CNTNAP2: variants seen among roughly 807,000 people sequenced by gnomAD.
The protein encoded by CNTNAP2 is contactin associated protein 2.
CNTNAP2 carries 98 observed loss-of-function variants against 155.2 expected under a neutral mutation model. The observed-to-expected ratio is 0.63, with a 90% CI of 0.54 to 0.75. The LOEUF (loss-of-function observed/expected upper bound fraction) is 0.75. CNTNAP2 is among the 30% of genes least tolerant of loss of function. The pLI, the probability that CNTNAP2 is intolerant of heterozygous loss-of-function variation, is 0.00. For missense variants in CNTNAP2, 1,727 were observed against 1,688.1 expected, an observed-to-expected ratio of 1.02 and a Z score of -0.40; for synonymous variants, 651 against 631.2, an observed-to-expected ratio of 1.03 and a Z score of -0.47.
chr7:148,272,436 T>G (rs568510873), intron 21 of CNTNAP2, among the ~76,000 whole-genome samples: 1 of 152,330 alleles, frequency 6.6e-6, no homozygotes, highest in Admixed American at 6.5e-5. Flanking sequence ...TGTTTGCTCA[T>G]GTCCTTTTCA....
intron 1 of CNTNAP2, among the ~76,000 whole-genome samples, chr7:146,508,683 A>T (rs975464184): frequency 1.7e-4 from 26 of 152,106 alleles, no homozygotes; most frequent in Admixed American, 6.5e-4. Flanking sequence ...ACCTTCACCC[A>T]TCTGCAAGTA....
intron 22 of CNTNAP2, among the ~76,000 whole-genome samples, chr7:148,393,383 T>C (rs1164905562): frequency 6.6e-6 from 1 of 152,236 alleles, no homozygotes; most frequent in African/African-American, 2.4e-5. Context: ...AGAAAAACTA[T>C]CATCCCTTGC....
intron 1 of CNTNAP2, among the ~76,000 whole-genome samples, chr7:146,530,410 C>T (rs760483132): frequency 4.0e-5 from 6 of 151,268 alleles, no homozygotes; most frequent in Non-Finnish European, 8.8e-5. Flanking sequence ...ATCTTTTATT[C>T]AGGGGAAAAA....
intron 11 of CNTNAP2, among the ~76,000 whole-genome samples, chr7:147,532,889 CAT>C (rs1199992364): frequency 6.6e-6 from 1 of 152,168 alleles, no homozygotes; most frequent in African/African-American, 2.4e-5. Flanking sequence ...CCTCCCACAA[CAT>C]GTGGGAATTC....
In CNTNAP2 at chr7:147,024,480, C is replaced by T. The variant is rs188916657; in HGVS notation, c.403-19427C>T. Reference sequence around the variant, plus strand: ...AACGGGGGAAGGTTACATAGGAACTCAACTGTATTAGTCCATTCTTACATT... The same window carrying T: ...AACGGGGGAAGGTTACATAGGAACTTAACTGTATTAGTCCATTCTTACATT... On this transcript the variant is annotated intron_variant, in intron 3 of 23. Coordinates refer to ENST00000361727, the MANE Select transcript of CNTNAP2 (RefSeq NM_014141.6). 3.3e-5 allele frequency among the ~76,000 whole-genome samples: 5 copies of T among 152,196 alleles called. No homozygotes were observed. In the East Asian group the frequency reaches 7.7e-4, roughly 24 times the overall value.
chr7:146,486,650 C>T (rs1427651718), intron 1 of CNTNAP2, among the ~76,000 whole-genome samples: 2 of 152,034 alleles, frequency 1.3e-5, no homozygotes, highest in Admixed American at 1.3e-4. Flanking sequence ...TCAGAGTGCC[C>T]ATGGAAGTCT....
In CNTNAP2 at chr7:146,937,364, A is replaced by AAAAATAAAAT. The variant is rs71165051; in HGVS notation, c.402+97474_402+97483dup. Among the ~76,000 whole-genome samples the AAAAATAAAAT allele has an allele frequency of 9.5e-5, 14 of 147,384 alleles. 1 individual carries two copies. In the South Asian group the frequency reaches 2.1e-3, roughly 22 times the overall value. On this transcript the variant is annotated intron_variant, in intron 3 of 23. Transcript: ENST00000361727. ...AGACTCTTGTCTCAAAAAAAAAAAT[A>AAAAATAAAAT]AAAATAAAATAAAATAAAATAAATA...
intron 16 of CNTNAP2, among the ~76,000 whole-genome samples, chr7:148,145,270 C>A (rs769924645): frequency 6.6e-6 from 1 of 152,172 alleles, no homozygotes; most frequent in Non-Finnish European, 1.5e-5. Context: ...GTCCTGGCAA[C>A]TTTCTTCCCT....
intron 1 of CNTNAP2, among the ~76,000 whole-genome samples, chr7:146,764,559 A>C (rs1802163025): frequency 6.6e-6 from 1 of 151,650 alleles, no homozygotes; most frequent in Non-Finnish European, 1.5e-5. Context: ...AATCTATTTC[A>C]TTTCTAGTAC....
chr7:148,163,485 G>T (rs1302372998), intron 17 of CNTNAP2, among the ~76,000 whole-genome samples: 2 of 152,176 alleles, frequency 1.3e-5, no homozygotes, highest in Non-Finnish European at 2.9e-5. Flanking sequence ...ACACATAGGA[G>T]TGCTTTATAC....
intron 1 of CNTNAP2, among the ~76,000 whole-genome samples, chr7:146,419,582 TA>T (rs1404852361): frequency 6.6e-6 from 1 of 152,048 alleles, no homozygotes; most frequent in Admixed American, 6.6e-5. Context: ...ATTCTTTAAT[TA>T]AAAAAATTCA....
rs569470307 is a variant in CNTNAP2, at chr7:146,562,300, TA to T, written c.98-211964del. 1.8e-4 allele frequency among the ~76,000 whole-genome samples: 27 copies of T among 152,176 alleles called. No individual in the cohort carries two copies. The South Asian group carries it at 4.8e-3, about 27-fold the overall frequency. ...TTAAAATAAATTTTACTTATATTTT[TA>T]AAAAAATTTCTCATTTTATTGATAG... On this transcript the variant is annotated intron_variant, in intron 1 of 23. Transcript: ENST00000361727.
intron 1 of CNTNAP2, among the ~76,000 whole-genome samples, chr7:146,178,065 G>T (rs1460916773): frequency 6.6e-6 from 1 of 151,842 alleles, no homozygotes; most frequent in Non-Finnish European, 1.5e-5. Context: ...ACGGAGTCTC[G>T]TTCTGTCACC....
At chr7:147,277,208 A>C (rs1258951819) in intron 8 of CNTNAP2, among the ~76,000 whole-genome samples, 2 of 152,014 alleles carry the variant, frequency 1.3e-5, no homozygotes, top group African/African-American at 2.4e-5. Context: ...TTTGTAATCA[A>C]GTTCATGCAT....
At chr7:146,822,479 C>T (rs1469850411) in intron 2 of CNTNAP2, among the ~76,000 whole-genome samples, 2 of 149,458 alleles carry the variant, frequency 1.3e-5, no homozygotes, top group Non-Finnish European at 1.5e-5. Context: ...AATAATAATA[C>T]AAAAATTTAA....
intron 15 of CNTNAP2, among the ~76,000 whole-genome samples, chr7:148,105,597 T>A (rs546790235): frequency 1.3e-5 from 2 of 152,050 alleles, no homozygotes; most frequent in South Asian, 2.1e-4. Context: ...TTTTTTTTTT[T>A]ATTTTTTTGT....
At chr7:146,758,002 C>A (rs977683675) in intron 1 of CNTNAP2, among the ~76,000 whole-genome samples, 1 of 152,138 alleles carries the variant, frequency 6.6e-6, no homozygotes, top group Admixed American at 6.6e-5. Flanking sequence ...TCTGAGAAAG[C>A]TTCAAAACCA....
At chr7:146,169,251 A>T (rs1443150504) in intron 1 of CNTNAP2, among the ~76,000 whole-genome samples, 1 of 152,198 alleles carries the variant, frequency 6.6e-6, no homozygotes, top group African/African-American at 2.4e-5. Context: ...TGCTATTAGA[A>T]TGTAAGCCAC....
intron 14 of CNTNAP2, among the ~76,000 whole-genome samples, chr7:147,948,187 G>A (rs2178770): frequency 0.12 from 18,351 of 151,598 alleles, 1,445 homozygotes; most frequent in Middle Eastern, 0.26. Context: ...TAGGGGGAGG[G>A]GGGCATGGTT....
Sources: allele counts gnomAD v4.1 joint callset (sites outside exome capture counted in the v4.1 genomes callset), GRCh38; gene constraint gnomAD v4.1.1; transcripts MANE v1.5; gene names NCBI Gene and HGNC (gene_info 2026-07-23, HGNC 2026-07-21).